PCDHA3: variants seen among roughly 807,000 people sequenced by gnomAD.
PCDHA3 encodes the protein protocadherin alpha 3, also known as protocadherin alpha-3.
Under a neutral mutation model 62.2 loss-of-function variants are expected in PCDHA3, and 41 were observed. That is an observed-to-expected ratio of 0.66 (90% CI 0.51 to 0.86). The LOEUF (loss-of-function observed/expected upper bound fraction) is 0.86. Among genes scored for constraint, PCDHA3 ranks in the 40% least tolerant of loss-of-function variants. The pLI is 0.00. For synonymous variants in PCDHA3, 640 were observed against 555.4 expected (o/e 1.15, Z -2.14); for missense variants, 1,304 against 1,241.2 (o/e 1.05, Z -0.76).
At chr5:140,980,284 T>C (rs1226756896) in intron 2 of PCDHA3, among the ~76,000 whole-genome samples, 6 of 152,182 alleles carry the variant, frequency 3.9e-5, no homozygotes, top group African/African-American at 1.4e-4. Flanking sequence ...TCTTGAAAAG[T>C]ACCAAAGCTA....
intron 1 of PCDHA3, chr5:140,828,325 T>C (rs2150154082): frequency 6.2e-7 from 1 of 1,614,220 alleles, no homozygotes. Flanking sequence ...TGGAGGTAAA[T>C]CTGCAGAATG....
chr5:140,939,424 A>G lies in PCDHA3; in HGVS notation c.2395-39525A>G, dbSNP rs186047779. 5.0e-4 allele frequency among the ~76,000 whole-genome samples: 76 copies of G among 152,290 alleles called. 1 individual carries two copies. Among genetic ancestry groups the G allele is most frequent in the Admixed American group, 1.3e-4 (2 of 15,302 alleles). On this transcript the variant is annotated intron_variant, in intron 1 of 3. Coordinates refer to ENST00000522353, the MANE Select transcript of PCDHA3 (RefSeq NM_018906.3). ...GTGTAAATCAGCATTTTTTTCTTCC[A>G]TAAGCATTTGAAGAATTAAGAGTGA...
intron 1 of PCDHA3, chr5:140,882,584 C>T (rs1554174685): frequency 1.9e-6 from 3 of 1,614,120 alleles, no homozygotes; most frequent in Admixed American, 1.7e-5. Flanking sequence ...CAGCATCCAC[C>T]TGGAGGTGAT....
At position 140,999,690 on chromosome 5, in the gene PCDHA3, G is replaced by A. The variant is rs113599808; in HGVS notation, c.2543-9937G>A. Among the ~76,000 whole-genome samples the A allele has an allele frequency of 6.4e-3, 977 of 152,230 alleles. 14 individuals are homozygous for A. Among genetic ancestry groups the A allele is most frequent in the African/African-American group, 0.023 (950 of 41,554 alleles). Reference sequence around the variant, plus strand: ...CGGGGGGCTCACAGAAAGAAGAAATGTGATTTTTTTTTAGCTAACTACGGA... The same window carrying A: ...CGGGGGGCTCACAGAAAGAAGAAATATGATTTTTTTTTAGCTAACTACGGA... On this transcript the variant is annotated intron_variant, in intron 3 of 3. Coordinates refer to ENST00000522353, the MANE Select transcript of PCDHA3 (RefSeq NM_018906.3).
At chr5:140,939,603 CAG>C (rs2092419919) in intron 1 of PCDHA3, among the ~76,000 whole-genome samples, 2 of 152,068 alleles carry the variant, frequency 1.3e-5, no homozygotes, top group Non-Finnish European at 2.9e-5. Flanking sequence ...TGCTCAAAAA[CAG>C]AACAAGGAGA....
chr5:140,838,087 T>TA (rs1775519591), intron 1 of PCDHA3, among the ~76,000 whole-genome samples: 48 of 97,638 alleles, frequency 4.9e-4, no homozygotes, highest in South Asian at 9.2e-4. Flanking sequence ...AGTGTGTGTG[T>TA]GTGTGTGTGT....
intron 1 of PCDHA3, among the ~76,000 whole-genome samples, chr5:140,955,017 T>G (rs1157818120): frequency 6.6e-6 from 1 of 152,186 alleles, no homozygotes. Context: ...CCAGCACCAT[T>G]TATTAAATAG....
chr5:140,920,403 T>A (rs1440027208), intron 1 of PCDHA3, among the ~76,000 whole-genome samples: 3 of 152,356 alleles, frequency 2.0e-5, no homozygotes, highest in South Asian at 2.1e-4. Context: ...TGTCTTTTTT[T>A]AATCAGATAC....
At position 140,882,346 on chromosome 5, in the gene PCDHA3, G is replaced by C. The variant is rs146510190; in HGVS notation, c.2394+78755G>C. 1,878 of 1,614,194 alleles carry C rather than the reference G, an allele frequency of 1.2e-3. 37 individuals are homozygous for C. In the South Asian group the frequency reaches 0.019, roughly 17 times the overall value. On this transcript the variant is annotated intron_variant, in intron 1 of 3. Transcript: ENST00000522353. ...TTCTGATCCTCGCAGCCTGGGAGAC[G>C]GGTAGTGGCCAGCTCCACTACTCCG...
chr5:140,929,046 C>T, intron 1 of PCDHA3: 3 of 1,614,206 alleles, frequency 1.9e-6, no homozygotes, highest in Non-Finnish European at 2.5e-6. Context: ...CTCAGAGCTG[C>T]TGTCGCTCTA....
At chr5:140,982,191 T>G (rs1431582069) in intron 2 of PCDHA3, among the ~76,000 whole-genome samples, 1 of 152,266 alleles carries the variant, frequency 6.6e-6, no homozygotes, top group African/African-American at 2.4e-5. Context: ...ATGGGCTTCC[T>G]GTTAGATTTA....
rs1207602014 is a variant in PCDHA3 at position 140,886,275 on chromosome 5, T to A, written c.2394+82684T>A. On this transcript the variant is annotated intron_variant, in intron 1 of 3. Transcript: ENST00000522353. ...ATCTCTATTTATAGATAAAATTTTT[T>A]AAAATTATTTTTATATTTATTTATT... 5.9e-5 allele frequency among the ~76,000 whole-genome samples: 9 copies of A among 152,098 alleles called. No homozygotes were observed. In the East Asian group the frequency reaches 1.5e-3, roughly 26 times the overall value.
In PCDHA3 at chr5:140,876,858, G is replaced by A. The variant is rs201724019; in HGVS notation, c.2394+73267G>A. The A allele has an allele frequency of 1.3e-4, 215 of 1,614,152 alleles. No homozygotes were observed. In the East Asian group the frequency reaches 3.0e-3, roughly 22 times the overall value. ...CGTTCGCGCAGCCCGAGTACACAGT[G>A]TTCGTGAAGGAGAACAACCCGCCGG... On this transcript the variant is annotated intron_variant, in intron 1 of 3. Transcript: ENST00000522353.
rs74815082 is a variant in PCDHA3 at position 140,803,860 on chromosome 5, A to T, written c.2394+269A>T. The T allele has an allele frequency of 3.6e-3, 2,073 of 576,070 alleles. 38 individuals carry two copies. Among genetic ancestry groups the T allele is most frequent in the African/African-American group, 0.035 (1,889 of 53,256 alleles). 35.7% of individuals were successfully genotyped at this position (576,070 alleles called of 1,614,324 possible). The stretch of plus-strand genomic sequence containing the variant: ...TTATTTTATTGCTAAATGCCTGGGT[A>T]TAAGACAAATATTTTTTCTTAGATG... On this transcript the variant is annotated intron_variant, in intron 1 of 3. Transcript: ENST00000522353.
At position 140,915,626 on chromosome 5, in the gene PCDHA3, G is replaced by GTCTCTCTCTC. The variant is rs57920489; in HGVS notation, c.2395-63302_2395-63293dup. 2.5e-3 allele frequency among the ~76,000 whole-genome samples: 366 copies of GTCTCTCTCTC among 146,512 alleles called. 2 individuals carry two copies. Among genetic ancestry groups the GTCTCTCTCTC allele is most frequent in the South Asian group, 3.6e-3 (16 of 4,500 alleles). ...ACTTTCTGTCAAACAGTCTCTTTCT[G>GTCTCTCTCTC]TCTCTCTCTCTCTCTCTCTCTCTCT... On this transcript the variant is annotated intron_variant, in intron 1 of 3. Coordinates refer to ENST00000522353, the MANE Select transcript of PCDHA3 (RefSeq NM_018906.3).
At chr5:140,992,035 G>A (rs529236840) in intron 3 of PCDHA3, among the ~76,000 whole-genome samples, 1 of 151,988 alleles carries the variant, frequency 6.6e-6, no homozygotes, top group Non-Finnish European at 1.5e-5. Flanking sequence ...GTGTGTGTGT[G>A]TGTGTGTGTG....
At chr5:140,933,401 C>T (rs1382982699) in intron 1 of PCDHA3, among the ~76,000 whole-genome samples, 1 of 151,928 alleles carries the variant, frequency 6.6e-6, no homozygotes, top group African/African-American at 2.4e-5. Flanking sequence ...ATCTGGTTAC[C>T]ATCTACAGAT....
chr5:140,982,633 A>G (rs2096992474), intron 3 of PCDHA3, 70 bp downstream of exon 3: 1 of 1,557,590 alleles, frequency 6.4e-7, no homozygotes, highest in Non-Finnish European at 8.7e-7. Flanking sequence ...CTTTTGTAAG[A>G]TCAGGAATGT....
At chr5:140,935,203 A>G (rs1403808889) in intron 1 of PCDHA3, among the ~76,000 whole-genome samples, 1 of 152,160 alleles carries the variant, frequency 6.6e-6, no homozygotes, top group Non-Finnish European at 1.5e-5. Flanking sequence ...GTTTCTAGGT[A>G]TCTTCAGCTA....
Sources: gnomAD v4.1 joint callset for allele counts (sites outside exome capture counted in the v4.1 genomes callset) on GRCh38, gnomAD v4.1.1 for gene constraint, MANE v1.5 for transcripts, NCBI Gene and HGNC (gene_info 2026-07-23, HGNC 2026-07-21) for gene names.